Variants in GALR1 observed in about 807,000 individuals in gnomAD.
The protein encoded by GALR1 is galanin receptor type 1.
In GALR1, 11 loss-of-function variants were observed where a neutral mutation model predicts 17.9. The ratio of observed to expected loss-of-function variants is 0.62; its 90% CI spans 0.39 to 1.02. GALR1 has a LOEUF of 1.02. Among genes scored for constraint, GALR1 ranks in the 50% least tolerant of loss-of-function variants. The probability of loss-of-function intolerance (pLI) is 0.01; values close to 1 mark genes in which losing one functional copy is unlikely to be tolerated. For missense variants in GALR1, 441 were observed against 456.9 expected (o/e 0.97, Z 0.32); for synonymous variants, 206 against 205.7 (o/e 1.00, Z -0.01).
At chr18:77,258,492 G>A in intron 2 of GALR1, among the ~76,000 whole-genome samples, 1 of 143,864 alleles carries the variant, frequency 7.0e-6, no homozygotes, top group African/African-American at 2.6e-5. Context: ...ATGGTGGTGG[G>A]TGGTAGTGGT....
chr18:77,259,743 GAA>G (rs1255624540), intron 2 of GALR1, among the ~76,000 whole-genome samples: 1 of 151,870 alleles, frequency 6.6e-6, no homozygotes. Flanking sequence ...GTGTGTCTAA[GAA>G]AGAGATGGGA....
intron 2 of GALR1, among the ~76,000 whole-genome samples, chr18:77,263,838 A>G (rs1337588515): frequency 3.3e-5 from 5 of 152,172 alleles, no homozygotes; most frequent in Admixed American, 3.3e-4. Context: ...ATGGGAAGTG[A>G]TAAGAAGAGT....
intron 2 of GALR1, among the ~76,000 whole-genome samples, chr18:77,259,320 G>C: frequency 7.6e-6 from 1 of 131,932 alleles, no homozygotes; most frequent in Non-Finnish European, 1.7e-5. Context: ...GGTGATGATG[G>C]TGGTCATGGT....
intron 2 of GALR1, among the ~76,000 whole-genome samples, chr18:77,260,520 C>T (rs1194706944): frequency 6.6e-6 from 1 of 152,188 alleles, no homozygotes; most frequent in Non-Finnish European, 1.5e-5. Flanking sequence ...AATACCATCA[C>T]CTTGGTGATT....
intron 2 of GALR1, among the ~76,000 whole-genome samples, chr18:77,259,021 GTGT>G (rs1267457086): frequency 1.4e-4 from 6 of 42,328 alleles, no homozygotes; most frequent in East Asian, 8.7e-4. Flanking sequence ...GGTGGTGTTG[GTGT>G]TGGTGGTGGT....
rs1391182034 is a variant in GALR1 at position 77,250,236 on chromosome 18, C to T, written c.-313C>T. Among the ~76,000 whole-genome samples, 1 of 152,116 alleles carries T rather than the reference C, an allele frequency of 6.6e-6. No individual in the cohort carries two copies. Among genetic ancestry groups the T allele is most frequent in the Non-Finnish European group, 1.5e-5 (1 of 67,992 alleles). ...GCCGGCGGATCCCTCTTCCCAGGCT[C>T]CGTGGTCGCGCAGCGGGCGGAGGCG... On this transcript the variant is annotated 5_prime_UTR_variant, in exon 1 of 3. Coordinates refer to ENST00000299727, the MANE Select transcript of GALR1 (RefSeq NM_001480.4).
At chr18:77,258,581 CATG>C (rs1912653233) in intron 2 of GALR1, among the ~76,000 whole-genome samples, 1 of 18,072 alleles carries the variant, frequency 5.5e-5, no homozygotes, top group Non-Finnish European at 1.0e-4. Flanking sequence ...TGGTGGTGGT[CATG>C]GTGGTGATGG....
rs779579416 is a variant in GALR1 at position 77,251,102 on chromosome 18, CCTT to C, written c.557_559del (p.Phe186del). Reference sequence around the variant, plus strand: ...TTCCACCCGCGCGCCAGCAACCAGACCTTCTGCTGGGAGCAGTGGCCCGACCCT... The same window carrying C: ...TTCCACCCGCGCGCCAGCAACCAGACCTGCTGGGAGCAGTGGCCCGACCCT... On this transcript the variant is annotated inframe_deletion, in exon 1 of 3. Transcript: ENST00000299727. 1.3e-5 allele frequency: 21 copies of C among 1,612,466 alleles called. 1 individual carries two copies. The South Asian group carries it at 1.6e-4, about 13-fold the overall frequency.
At chr18:77,256,372 A>T (rs945240282) in intron 2 of GALR1, 149 bp downstream of exon 2, 2 of 558,722 alleles carry the variant, frequency 3.6e-6, no homozygotes, top group Non-Finnish European at 6.2e-6. Context: ...TCCCACCGTT[A>T]GGATGGGAAT....
At chr18:77,264,133 C>CAAAAA (rs56102250) in intron 2 of GALR1, among the ~76,000 whole-genome samples, 25 of 57,258 alleles carry the variant, frequency 4.4e-4, no homozygotes, top group Non-Finnish European at 4.3e-4. Flanking sequence ...GACTCCATCT[C>CAAAAA]AAAAAAAAAA....
At position 77,261,346 on chromosome 18, in the gene GALR1, G is replaced by A. The variant is rs988404159; in HGVS notation, c.732+5123G>A. ...GGAGGGAAGCAGTGCACACACAGGG[G>A]ACATGCCCGTCTGACGGAGACGGAG... On this transcript the variant is annotated intron_variant, in intron 2 of 2. Coordinates refer to ENST00000299727, the MANE Select transcript of GALR1 (RefSeq NM_001480.4). Among the ~76,000 whole-genome samples the A allele has an allele frequency of 4.6e-5, 7 of 152,328 alleles. No homozygotes were observed. In the East Asian group the frequency reaches 1.2e-3, roughly 25 times the overall value.
chr18:77,267,332 G>T (rs1399247106), intron 2 of GALR1, among the ~76,000 whole-genome samples: 1 of 152,254 alleles, frequency 6.6e-6, no homozygotes, highest in Non-Finnish European at 1.5e-5. Context: ...GGGCTGGGGA[G>T]CATGTCGGCC....
intron 1 of GALR1, among the ~76,000 whole-genome samples, chr18:77,252,974 CCACCAT>C (rs1912493580): frequency 6.3e-4 from 36 of 57,166 alleles, no homozygotes; most frequent in Admixed American, 1.5e-3. Flanking sequence ...ACCACCATCA[CCACCAT>C]CACCACCATC....
chr18:77,254,600 T>C (rs553049293), intron 1 of GALR1, among the ~76,000 whole-genome samples: 8 of 152,310 alleles, frequency 5.3e-5, no homozygotes, highest in African/African-American at 9.6e-5. Flanking sequence ...TGGTTTCCCA[T>C]TGGGAAGGCT....
At position 77,270,806 on chromosome 18, in the gene GALR1, T is replaced by G. The variant is rs1196183823; in HGVS notation, c.*1904T>G. 1 of 152,072 alleles carries G rather than the reference T, an allele frequency of 6.6e-6. No individual in the cohort carries two copies. Among genetic ancestry groups the G allele is most frequent in the Non-Finnish European group, 1.5e-5 (1 of 68,018 alleles). 9.4% of individuals were successfully genotyped at this position (152,072 alleles called of 1,614,324 possible). A position where few individuals can be genotyped will look rare whatever the true frequency, so the allele number is the denominator to read the frequency against. On this transcript the variant is annotated 3_prime_UTR_variant, in exon 3 of 3. Transcript: ENST00000299727. Reference sequence around the variant, plus strand: ...TATGTTTGTTGACTAGAAGAAGAAATTGTGTTTATGTGTAAGTGAGGGTCT... The same window carrying G: ...TATGTTTGTTGACTAGAAGAAGAAAGTGTGTTTATGTGTAAGTGAGGGTCT...
At chr18:77,255,156 C>T (rs9965652) in intron 1 of GALR1, among the ~76,000 whole-genome samples, 1 of 152,148 alleles carries the variant, frequency 6.6e-6, no homozygotes, top group Non-Finnish European at 1.5e-5. Context: ...TCTACAGATG[C>T]TCTAAAGCAC....
chr18:77,257,659 C>T (rs1174044154), intron 2 of GALR1, among the ~76,000 whole-genome samples: 1 of 152,204 alleles, frequency 6.6e-6, no homozygotes, highest in African/African-American at 2.4e-5. Context: ...AGGATAGTTT[C>T]TGACTTCTCC....
chr18:77,256,735 A>G (rs892726308), intron 2 of GALR1, among the ~76,000 whole-genome samples: 3 of 152,190 alleles, frequency 2.0e-5, no homozygotes, highest in African/African-American at 4.8e-5. Flanking sequence ...CCCGGCAGGT[A>G]AAGACTGAAG....
intron 2 of GALR1, among the ~76,000 whole-genome samples, chr18:77,257,706 G>A (rs2850878): frequency 0.79 from 119,694 of 152,144 alleles, 47,184 homozygotes; most frequent in Admixed American, 0.82. Context: ...CTCTGTGTAG[G>A]ACCAAGCCGA....
Sources: gnomAD v4.1 joint callset for allele counts (sites outside exome capture counted in the v4.1 genomes callset) on GRCh38, gnomAD v4.1.1 for gene constraint, MANE v1.5 for transcripts, NCBI Gene and HGNC (gene_info 2026-07-23, HGNC 2026-07-21) for gene names.